Variants in SYNPR observed in about 807,000 individuals in gnomAD.
The protein encoded by SYNPR is synaptoporin.
A neutral mutation model predicts 32.9 loss-of-function variants in SYNPR; 23 were observed. That is an observed-to-expected ratio of 0.70 (90% CI 0.50 to 0.99). The LOEUF (loss-of-function observed/expected upper bound fraction) is 0.99. Ranked by LOEUF, SYNPR falls within the 50% of genes least tolerant of loss-of-function variation. SYNPR has a pLI of 0.00. For missense variants in SYNPR, 318 were observed against 349.3 expected (o/e 0.91, Z 0.71); for synonymous variants, 146 against 135.9 (o/e 1.07, Z -0.52).
At chr3:63,581,333 A>G (rs1363256754) in intron 4 of SYNPR, among the ~76,000 whole-genome samples, 1 of 121,514 alleles carries the variant, frequency 8.2e-6, no homozygotes, top group Non-Finnish European at 1.8e-5. Flanking sequence ...GGACAGGGGT[A>G]GGTGGTTGTA....
chr3:63,241,507 A>G (rs1028487683), intron 1 of SYNPR, among the ~76,000 whole-genome samples: 1 of 152,100 alleles, frequency 6.6e-6, no homozygotes, highest in Non-Finnish European at 1.5e-5. Context: ...ACTTTTAATC[A>G]ATGAGATTTG....
chr3:63,440,107 T>C (rs1263409956), intron 2 of SYNPR, among the ~76,000 whole-genome samples: 1 of 152,050 alleles, frequency 6.6e-6, no homozygotes, highest in African/African-American at 2.4e-5. Context: ...CTGGAGAAAG[T>C]GAAAGATGTT....
At chr3:63,455,788 G>GTGTGTGTGTGTGT (rs1559504358) in intron 2 of SYNPR, among the ~76,000 whole-genome samples, 7 of 74,616 alleles carry the variant, frequency 9.4e-5, no homozygotes, top group Admixed American at 5.8e-4. Context: ...TGTGTGTGTG[G>GTGTGTGTGTGTGT]ATCTTCAGAT....
intron 2 of SYNPR, among the ~76,000 whole-genome samples, chr3:63,381,618 A>C (rs563636698): frequency 6.6e-6 from 1 of 152,336 alleles, no homozygotes; most frequent in South Asian, 2.1e-4. Context: ...TCTTTTAGAT[A>C]GCATATTGTT....
At chr3:63,316,270 C>A (rs1243103481) in intron 2 of SYNPR, among the ~76,000 whole-genome samples, 1 of 151,874 alleles carries the variant, frequency 6.6e-6, no homozygotes, top group East Asian at 1.9e-4. Flanking sequence ...GGGAGGGTTC[C>A]TTCTTTCTCT....
intron 2 of SYNPR, among the ~76,000 whole-genome samples, chr3:63,387,170 A>G (rs547712859): frequency 4.6e-5 from 7 of 152,204 alleles, no homozygotes; most frequent in African/African-American, 1.7e-4. Context: ...ACCCCATAAG[A>G]GTTTTCTATA....
chr3:63,526,425 A>G (rs1702015045), intron 3 of SYNPR, among the ~76,000 whole-genome samples: 1 of 152,162 alleles, frequency 6.6e-6, no homozygotes, highest in African/African-American at 2.4e-5. Context: ...AACTGGGATC[A>G]TTTCCCTCTT....
chr3:63,269,538 C>A (rs1298341175), intron 3 of SYNPR, among the ~76,000 whole-genome samples: 1 of 151,952 alleles, frequency 6.6e-6, no homozygotes, highest in Non-Finnish European at 1.5e-5. Flanking sequence ...TATGTAACAG[C>A]CACTCCTCTT....
intron 2 of SYNPR, among the ~76,000 whole-genome samples, chr3:63,401,921 G>C (rs992792455): frequency 4.6e-5 from 7 of 152,130 alleles, no homozygotes; most frequent in Admixed American, 3.3e-4. Context: ...GAGGCCAGTA[G>C]GAGATAAAGA....
intron 2 of SYNPR, among the ~76,000 whole-genome samples, chr3:63,285,539 C>A (rs943773371): frequency 1.2e-4 from 19 of 152,152 alleles, no homozygotes; most frequent in African/African-American, 4.6e-4. Flanking sequence ...AACCTTCTAG[C>A]CTCTCAATTG....
intron 3 of SYNPR, among the ~76,000 whole-genome samples, chr3:63,529,346 G>A (rs1349905177): frequency 1.3e-5 from 2 of 152,194 alleles, no homozygotes; most frequent in Non-Finnish European, 2.9e-5. Context: ...TTTTTTATTT[G>A]TGTTATTTTC....
chr3:63,237,213 A>G (rs559448792), intron 1 of SYNPR, among the ~76,000 whole-genome samples: 54 of 152,060 alleles, frequency 3.6e-4, no homozygotes, highest in African/African-American at 1.3e-3. Context: ...CTTGTCTTAC[A>G]GGTCCCTGAT....
chr3:63,588,752 C>G (rs1426980931), intron 4 of SYNPR, among the ~76,000 whole-genome samples: 1 of 152,066 alleles, frequency 6.6e-6, no homozygotes, highest in Non-Finnish European at 1.5e-5. Context: ...GCTTTCCTAG[C>G]AAATTGCTAG....
intron 2 of SYNPR, among the ~76,000 whole-genome samples, chr3:63,442,832 C>T (rs1700204844): frequency 6.6e-6 from 1 of 152,152 alleles, no homozygotes; most frequent in Non-Finnish European, 1.5e-5. Flanking sequence ...TTATGCATAA[C>T]AGCTATGCAT....
chr3:63,459,507 A>G (rs140539401), intron 2 of SYNPR, among the ~76,000 whole-genome samples: 2 of 152,160 alleles, frequency 1.3e-5, no homozygotes, highest in African/African-American at 2.4e-5. Flanking sequence ...GGGCACTAGC[A>G]TTGGCTCCTG....
At chr3:63,236,372 C>A (rs2086200148) in intron 1 of SYNPR, among the ~76,000 whole-genome samples, 1 of 151,878 alleles carries the variant, frequency 6.6e-6, no homozygotes, top group Non-Finnish European at 1.5e-5. Flanking sequence ...CTATGTTTTC[C>A]TACATATATA....
rs770041498 is a variant in SYNPR at position 63,278,523 on chromosome 3, G to A, written c.-11G>A. The A allele has an allele frequency of 5.2e-6, 8 of 1,547,804 alleles. No individual in the cohort carries two copies. The highest frequency in any genetic ancestry group is 2.4e-5 in the South Asian group (2 of 83,648). On this transcript the variant is annotated 5_prime_UTR_variant, in exon 1 of 6. Coordinates refer to ENST00000478300, the MANE Select transcript of SYNPR (RefSeq NM_001130003.2). ...GAACTGGTGGATGAGAAGAGCGAGC[G>A]AGGGCGAGCTATGGACCCTGTGAGT...
chr3:63,520,503 T>C (rs1003424974), intron 3 of SYNPR, among the ~76,000 whole-genome samples: 1 of 152,032 alleles, frequency 6.6e-6, no homozygotes, highest in Non-Finnish European at 1.5e-5. Flanking sequence ...TGAAACCCTG[T>C]CTCTACTAAA....
At chr3:63,234,198 G>C (rs1173807773) in intron 1 of SYNPR, among the ~76,000 whole-genome samples, 2 of 152,150 alleles carry the variant, frequency 1.3e-5, no homozygotes, top group Admixed American at 1.3e-4. Flanking sequence ...CAGACAAAGA[G>C]AGAGAGCTTG....
Sources: allele counts gnomAD v4.1 joint callset (sites outside exome capture counted in the v4.1 genomes callset), GRCh38; gene constraint gnomAD v4.1.1; transcripts MANE v1.5; gene names NCBI Gene and HGNC (gene_info 2026-07-23, HGNC 2026-07-21).